PLXDC2: variants seen among roughly 807,000 people sequenced by gnomAD.
PLXDC2 encodes the protein plexin domain-containing protein 2.
In PLXDC2, 40 loss-of-function variants were observed where a neutral mutation model predicts 68.9. The ratio of observed to expected loss-of-function variants is 0.58; its 90% CI spans 0.45 to 0.76. The LOEUF is 0.76. Ranked by LOEUF, PLXDC2 falls within the 30% of genes least tolerant of loss-of-function variation. The probability of loss-of-function intolerance (pLI) is 0.00; values close to 1 mark genes in which losing one functional copy is unlikely to be tolerated. For synonymous variants in PLXDC2, 243 were observed against 234.2 expected, an observed-to-expected ratio of 1.04 and a Z score of -0.34; for missense variants, 644 against 661.9, an observed-to-expected ratio of 0.97 and a Z score of 0.30.
intron 4 of PLXDC2, among the ~76,000 whole-genome samples, chr10:20,106,642 T>C (rs1417441821): frequency 1.1e-4 from 16 of 152,136 alleles, no homozygotes. Context: ...TTCTTTATCA[T>C]CTCAGAGCTG....
At chr10:20,204,697 G>T (rs1306133891) in intron 9 of PLXDC2, among the ~76,000 whole-genome samples, 1 of 152,242 alleles carries the variant, frequency 6.6e-6, no homozygotes, top group East Asian at 1.9e-4. Context: ...CCACTTTCTG[G>T]TTTTATAAAG....
intron 1 of PLXDC2, among the ~76,000 whole-genome samples, chr10:20,000,003 C>T (rs1044564924): frequency 6.6e-6 from 1 of 152,128 alleles, no homozygotes; most frequent in Admixed American, 6.5e-5. Context: ...CTGGATTCTT[C>T]CTTGCACAGT....
At chr10:20,110,348 C>T (rs529677910) in intron 4 of PLXDC2, among the ~76,000 whole-genome samples, 22 of 152,302 alleles carry the variant, frequency 1.4e-4, no homozygotes, top group African/African-American at 5.3e-4. Flanking sequence ...GAATGACAGA[C>T]AGTACCACTT....
chr10:20,204,653 A>G, intron 9 of PLXDC2, among the ~76,000 whole-genome samples: 1 of 152,204 alleles, frequency 6.6e-6, no homozygotes. Flanking sequence ...GAGCATAGTT[A>G]AGCAAACTAC....
At chr10:20,126,123 T>TTC in intron 4 of PLXDC2, among the ~76,000 whole-genome samples, 1 of 147,520 alleles carries the variant, frequency 6.8e-6, no homozygotes, top group Non-Finnish European at 1.5e-5. Context: ...TTATATATAA[T>TTC]ATATGTTATA....
intron 2 of PLXDC2, among the ~76,000 whole-genome samples, chr10:20,030,568 G>T (rs751065633): frequency 1.3e-5 from 2 of 152,210 alleles, no homozygotes; most frequent in Admixed American, 6.5e-5. Context: ...ATTCCAGAGA[G>T]CAAAGGGTAG....
At chr10:19,908,471 A>G (rs1833207038) in intron 1 of PLXDC2, among the ~76,000 whole-genome samples, 1 of 152,130 alleles carries the variant, frequency 6.6e-6, no homozygotes, top group Non-Finnish European at 1.5e-5. Flanking sequence ...TCTAAAAGAG[A>G]GGGATGGGGG....
intron 2 of PLXDC2, among the ~76,000 whole-genome samples, chr10:20,044,233 C>A (rs922345730): frequency 2.4e-5 from 2 of 83,626 alleles, no homozygotes; most frequent in African/African-American, 5.9e-5. Context: ...TTCTTTCTTT[C>A]TTTCTTTCTT....
chr10:20,152,325 G>C (rs1380172342), intron 6 of PLXDC2, among the ~76,000 whole-genome samples: 1 of 152,092 alleles, frequency 6.6e-6, no homozygotes, highest in African/African-American at 2.4e-5. Flanking sequence ...CCAATACCCT[G>C]TTGTTTTCTA....
intron 3 of PLXDC2, among the ~76,000 whole-genome samples, chr10:20,051,478 A>G (rs1322630527): frequency 1.4e-5 from 2 of 147,580 alleles, no homozygotes; most frequent in Non-Finnish European, 3.0e-5. Context: ...TCAAGATGCA[A>G]TATACACTTA....
intron 13 of PLXDC2, among the ~76,000 whole-genome samples, chr10:20,246,585 A>G (rs1026718767): frequency 6.6e-6 from 1 of 152,180 alleles, no homozygotes; most frequent in Non-Finnish European, 1.5e-5. Flanking sequence ...CCTGACCACA[A>G]GTGATCCTCC....
chr10:20,113,315 C>T (rs974361503), intron 4 of PLXDC2, among the ~76,000 whole-genome samples: 1 of 152,204 alleles, frequency 6.6e-6, no homozygotes, highest in African/African-American at 2.4e-5. Flanking sequence ...TTAACTTTTA[C>T]TCTAAACAAG....
intron 9 of PLXDC2, among the ~76,000 whole-genome samples, chr10:20,190,715 T>C (rs1472440589): frequency 6.6e-6 from 1 of 151,826 alleles, no homozygotes; most frequent in African/African-American, 2.4e-5. Context: ...AAAAGTAATT[T>C]ATGGTTTGAT....
At chr10:20,049,844 A>C (rs1272111719) in intron 3 of PLXDC2, among the ~76,000 whole-genome samples, 1 of 152,158 alleles carries the variant, frequency 6.6e-6, no homozygotes, top group Non-Finnish European at 1.5e-5. Context: ...CATTCTTCAT[A>C]GAAGTAGAAA....
rs1836060643 is a variant in PLXDC2, at chr10:20,279,981, A to G, written c.*162A>G. 5.0e-6 allele frequency: 3 copies of G among 597,800 alleles called. No individual in the cohort carries two copies. The highest frequency in any genetic ancestry group is 3.0e-5 in the Admixed American group (1 of 33,286). The allele number at this position is 597,800 out of a possible 1,614,324, so 37.0% of individuals were successfully genotyped here. On this transcript the variant is annotated 3_prime_UTR_variant, in exon 14 of 14. Transcript: ENST00000377252. ...CTGGACAAGCTCAGCCCAGGAAACA[A>G]AGGGTAAACAAAAAACTAAAACTTA...
At chr10:20,029,459 C>T (rs886679993) in intron 2 of PLXDC2, among the ~76,000 whole-genome samples, 4 of 152,106 alleles carry the variant, frequency 2.6e-5, no homozygotes, top group Non-Finnish European at 5.9e-5. Flanking sequence ...ACTATAGTCT[C>T]TTGAATGTTT....
At chr10:20,094,212 C>T (rs989016311) in intron 4 of PLXDC2, among the ~76,000 whole-genome samples, 5 of 152,200 alleles carry the variant, frequency 3.3e-5, no homozygotes, top group Non-Finnish European at 7.3e-5. Flanking sequence ...AAGGAACATC[C>T]TACCATGTAC....
intron 1 of PLXDC2, among the ~76,000 whole-genome samples, chr10:19,839,473 C>A (rs118059374): frequency 6.6e-6 from 1 of 152,170 alleles, no homozygotes; most frequent in Non-Finnish European, 1.5e-5. Flanking sequence ...TTGGACACCA[C>A]TGAACTAGAC....
At chr10:19,884,633 TG>T (rs1837805978) in intron 1 of PLXDC2, among the ~76,000 whole-genome samples, 1 of 152,174 alleles carries the variant, frequency 6.6e-6, no homozygotes, top group Non-Finnish European at 1.5e-5. Context: ...GATAGTTTAC[TG>T]AGAATGATGA....
Sources: gnomAD v4.1 joint callset for allele counts (sites outside exome capture counted in the v4.1 genomes callset) on GRCh38, gnomAD v4.1.1 for gene constraint, MANE v1.5 for transcripts, NCBI Gene and HGNC (gene_info 2026-07-23, HGNC 2026-07-21) for gene names.